The following OTUD4 variants were observed in gnomAD, a reference collection of about 807,000 sequenced individuals.
OTUD4 encodes OTU domain-containing protein 4.
Under a neutral mutation model 130.4 loss-of-function variants are expected in OTUD4, and 24 were observed. The ratio of observed to expected loss-of-function variants is 0.18; its 90% CI spans 0.13 to 0.26. OTUD4 has a LOEUF of 0.26. Among genes scored for constraint, OTUD4 ranks in the 10% least tolerant of loss-of-function variants. OTUD4 has a pLI of 1.00. For missense variants in OTUD4, 1,031 were observed against 1,329.4 expected (o/e 0.78, Z 3.49); for synonymous variants, 420 against 472.5 (o/e 0.89, Z 1.44).
Position 145,152,678 on chromosome 4 carries a change from C to T in OTUD4, c.874-43G>A, listed in dbSNP as rs1227581913. On this transcript the variant is annotated intron_variant, in intron 10 of 20. Transcript: ENST00000447906. Reference sequence around the variant, plus strand: ...AATGAAAAGGAAAAAAAAAATCAGTCACCTGCTTCCTTTGCATTACTTATC... The same window carrying T: ...AATGAAAAGGAAAAAAAAAATCAGTTACCTGCTTCCTTTGCATTACTTATC... 4 of 1,086,434 alleles carry T rather than the reference C, an allele frequency of 3.7e-6. No homozygotes were observed. The African/African-American group carries it at 6.4e-5, about 17-fold the overall frequency. The allele number at this position is 1,086,434 out of a possible 1,614,324, so 67.3% of individuals were successfully genotyped here.
At position 145,165,155 on chromosome 4, in the gene OTUD4, A is replaced by T; in HGVS notation, c.337T>A (p.Tyr113Asn). 6.3e-7 allele frequency: 1 copy of T among 1,594,710 alleles called. No homozygotes were observed. The highest frequency in any genetic ancestry group is 8.6e-7 in the Non-Finnish European group (1 of 1,163,864). Residue 113 changes from tyrosine (Y) to asparagine (N), a missense_variant, in exon 4 of 21, where the codon TAC (tyrosine) becomes AAC (asparagine). Physicochemically the swap from Tyr to Asn is moderately radical, Grantham distance 143 (BLOSUM62 -2). Around this residue, in one of 3 missense-constraint regions of OTUD4, gnomAD observed 77 missense variants for 172.9 expected, o/e 0.45. Transcript: ENST00000447906. ...QVEISALSLMYRKDFIIYREP... is the reference protein window; with the variant it reads ...QVEISALSLMNRKDFIIYREP... ...TTATGTTATTACAGTGTTTACCTGT[A>T]CATAAGAGAAAGGGCACTTATTTCC...
chr4:145,154,556 G>A (rs2126768137), intron 10 of OTUD4, among the ~76,000 whole-genome samples: 1 of 152,180 alleles, frequency 6.6e-6, no homozygotes, highest in East Asian at 1.9e-4. Context: ...TGTGTATGTG[G>A]GGGTTTTGTT....
At chr4:145,177,169 A>C (rs1752467973) in intron 1 of OTUD4, among the ~76,000 whole-genome samples, 1 of 152,258 alleles carries the variant, frequency 6.6e-6, no homozygotes, top group South Asian at 2.1e-4. Flanking sequence ...AATAAACCAC[A>C]GTGTCATCTG....
intron 3 of OTUD4, among the ~76,000 whole-genome samples, chr4:145,165,784 G>A (rs182359814): frequency 1.2e-3 from 189 of 152,218 alleles, no homozygotes; most frequent in Middle Eastern, 3.4e-3. Flanking sequence ...CCCAAGTTGA[G>A]AACGTATTGA....
chr4:145,135,608 T>C lies in OTUD4; in HGVS notation c.*1822A>G, dbSNP rs545410432. On this transcript the variant is annotated 3_prime_UTR_variant, in exon 21 of 21. Coordinates refer to ENST00000447906, the MANE Select transcript of OTUD4 (RefSeq NM_001366057.1). ...TGGCTTAAGCGGTACCTTCAACAAC[T>C]ATTCTAGTTAAGAAGGTGACAACAA... 1.3e-5 allele frequency: 2 copies of C among 152,696 alleles called. No homozygotes were observed. The highest frequency in any genetic ancestry group is 4.1e-4 in the South Asian group (2 of 4,826). The allele number at this position is 152,696 out of a possible 1,614,324, so 9.5% of individuals were successfully genotyped here.
chr4:145,134,290 T>G lies in OTUD4; in HGVS notation c.*3140A>C, dbSNP rs1750134549. 1 of 159,738 alleles carries G rather than the reference T, an allele frequency of 6.3e-6. No individual in the cohort carries two copies. Among genetic ancestry groups the G allele is most frequent in the Non-Finnish European group, 1.4e-5 (1 of 73,052 alleles). 9.9% of individuals were successfully genotyped at this position (159,738 alleles called of 1,614,324 possible). A position where few individuals can be genotyped will look rare whatever the true frequency, so the allele number is the denominator to read the frequency against. ...AGCAAAATACAGTAAACAGAAATAG[T>G]GTAGCCAAATATGCATTCTCTTCAG... On this transcript the variant is annotated 3_prime_UTR_variant, in exon 21 of 21. Transcript: ENST00000447906.
chr4:145,135,568 A>G lies in OTUD4; in HGVS notation c.*1862T>C, dbSNP rs1750200818. On this transcript the variant is annotated 3_prime_UTR_variant, in exon 21 of 21. Transcript: ENST00000447906. ...TTCTCATTCCTTAACTGAGCCACCG[A>G]TGTTAAGAAAAAAATGGCTTAAGCG... The G allele has an allele frequency of 6.6e-6, 1 of 152,450 alleles. No homozygotes were observed. The highest frequency in any genetic ancestry group is 1.5e-5 in the Non-Finnish European group (1 of 68,040). The allele number at this position is 152,450 out of a possible 1,614,324, so 9.4% of individuals were successfully genotyped here.
At chr4:145,144,268 A>G (rs1750717834) in intron 15 of OTUD4, 43 bp downstream of exon 15, 2 of 1,589,438 alleles carry the variant, frequency 1.3e-6, no homozygotes, top group African/African-American at 2.7e-5. Flanking sequence ...CAGTCATCTA[A>G]AGAGATCTCT....
In OTUD4 at chr4:145,134,809, T is replaced by G; in HGVS notation, c.*2621A>C. The G allele has an allele frequency of 2.5e-6, 1 of 398,994 alleles. No homozygotes were observed. The highest frequency in any genetic ancestry group is 6.3e-4 in the Middle Eastern group (1 of 1,586). 24.7% of individuals were successfully genotyped at this position (398,994 alleles called of 1,614,324 possible). On this transcript the variant is annotated 3_prime_UTR_variant, in exon 21 of 21. Transcript: ENST00000447906. ...AGGGAAAAGGGGGCTGGAATCAAGT[T>G]CAGCCAAAGCACCTAACACAAAAAA...
Position 145,137,579 on chromosome 4 carries a change from G to A in OTUD4, c.3196C>T (p.His1066Tyr). Residue 1066 changes from histidine to tyrosine, a missense_variant, in exon 21 of 21, where the codon CAT (histidine) becomes TAT (tyrosine). Coordinates refer to ENST00000447906, the MANE Select transcript of OTUD4 (RefSeq NM_001366057.1). ...WGYSGRGGYQ[H>Y]VRSEESWKGQ... is the part of the protein sequence containing the mutation. ...TTCCAGGACTCCTCACTTCTCACATGTTGATATCCACCCCTACCAGAATAG... is the reference window on the plus strand; with the variant it reads ...TTCCAGGACTCCTCACTTCTCACATATTGATATCCACCCCTACCAGAATAG... The A allele has an allele frequency of 3.7e-6, 6 of 1,613,214 alleles. No individual in the cohort carries two copies. Among genetic ancestry groups the A allele is most frequent in the Non-Finnish European group, 5.1e-6 (6 of 1,179,868 alleles).
intron 11 of OTUD4, among the ~76,000 whole-genome samples, chr4:145,151,591 C>T (rs1242126602): frequency 2.0e-5 from 3 of 152,004 alleles, no homozygotes; most frequent in Admixed American, 6.6e-5. Context: ...GCCAAAATTG[C>T]GCCATTGCAC....
rs184461103 is a variant in OTUD4 at position 145,147,768 on chromosome 4, C to G, written c.1260-1339G>C. On this transcript the variant is annotated intron_variant, in intron 13 of 20. Transcript: ENST00000447906. ...GGCCAAGAAGGTCTCATATCCAGCACTACGGTTCTCTTTTGCTCTATAACT... is the reference window on the plus strand; with the variant it reads ...GGCCAAGAAGGTCTCATATCCAGCAGTACGGTTCTCTTTTGCTCTATAACT... 5.3e-5 allele frequency among the ~76,000 whole-genome samples: 8 copies of G among 152,280 alleles called. No individual in the cohort carries two copies. In the East Asian group the frequency reaches 1.5e-3, roughly 29 times the overall value.
chr4:145,152,389 G>A (rs1751107119), intron 11 of OTUD4, 152 bp downstream of exon 11: 3 of 565,098 alleles, frequency 5.3e-6, no homozygotes, highest in Non-Finnish European at 6.4e-6. Context: ...AGGATTACAG[G>A]CATGAGCCAC....
rs36226996 is a variant in OTUD4, at chr4:145,138,660, C to CA, written c.2125-11dup. 6.4e-6 allele frequency: 10 copies of CA among 1,572,734 alleles called. No individual in the cohort carries two copies. The highest frequency in any genetic ancestry group is 1.4e-5 in the African/African-American group (1 of 72,602). ...TAGGACAACTGTATGCCTGAAGAGA[C>CA]AAAAAACAGTTAAATAAACAAAAGA... On this transcript the variant is annotated splice_polypyrimidine_tract_variant and intron_variant, in intron 20 of 20. Transcript: ENST00000447906.
At chr4:145,147,746 CAAG>C (rs1750891835) in intron 13 of OTUD4, among the ~76,000 whole-genome samples, 1 of 152,040 alleles carries the variant, frequency 6.6e-6, no homozygotes, top group African/African-American at 2.4e-5. Flanking sequence ...AGTGAGAGGC[CAAG>C]AAGGTCTCAT....
chr4:145,143,881 C>G (rs1579246573), intron 16 of OTUD4, 65 bp downstream of exon 16: 1 of 1,175,088 alleles, frequency 8.5e-7, no homozygotes, highest in East Asian at 2.3e-5. Flanking sequence ...TCTTCCACTT[C>G]TTCCTACTGT....
chr4:145,141,876 C>A (rs1339430164), intron 18 of OTUD4, among the ~76,000 whole-genome samples: 1 of 151,954 alleles, frequency 6.6e-6, no homozygotes, highest in African/African-American at 2.4e-5. Flanking sequence ...TGGGGCTGGT[C>A]AAGGGGTTCA....
chr4:145,163,109 G>C (rs1489367413), intron 5 of OTUD4, among the ~76,000 whole-genome samples: 1 of 152,066 alleles, frequency 6.6e-6, no homozygotes, highest in African/African-American at 2.4e-5. Context: ...TTGTATAAGT[G>C]ATTTTCTAAA....
intron 20 of OTUD4, among the ~76,000 whole-genome samples, chr4:145,139,662 C>T (rs1361054314): frequency 1.3e-5 from 2 of 152,208 alleles, no homozygotes; most frequent in Non-Finnish European, 2.9e-5. Flanking sequence ...AGATTTACAT[C>T]TAATTATTCC....
Sources: allele counts gnomAD v4.1 joint callset (sites outside exome capture counted in the v4.1 genomes callset), GRCh38; gene constraint gnomAD v4.1.1; regional missense constraint gnomAD v4.1.1; transcripts MANE v1.5; gene names NCBI Gene and HGNC (gene_info 2026-07-23, HGNC 2026-07-21).